The following ACTR3C variants were observed in gnomAD, a reference collection of about 807,000 sequenced individuals.
ACTR3C encodes actin-related protein 3C.
ACTR3C carries 18 observed loss-of-function variants against 26.3 expected under a neutral mutation model. The observed-to-expected ratio is 0.68, with a 90% CI of 0.47 to 1.01. ACTR3C has a LOEUF of 1.01. Among genes scored for constraint, ACTR3C ranks in the 50% least tolerant of loss-of-function variants. The pLI, the probability that ACTR3C is intolerant of heterozygous loss-of-function variation, is 0.00. For missense variants in ACTR3C, 184 were observed against 250.7 expected, an observed-to-expected ratio of 0.73 and a Z score of 1.80; for synonymous variants, 55 against 94.5, an observed-to-expected ratio of 0.58 and a Z score of 2.42.
chr7:150,255,267 T>G (rs1833133289), intron 6 of ACTR3C, among the ~76,000 whole-genome samples: 1 of 119,022 alleles, frequency 8.4e-6, no homozygotes, highest in South Asian at 2.7e-4. Flanking sequence ...TTTTTTTTTT[T>G]GCTTTCGAGT....
the ACTR3C span, among the ~76,000 whole-genome samples, chr7:150,198,855 C>A: frequency 1.4e-5 from 2 of 144,738 alleles, no homozygotes; most frequent in African/African-American, 5.3e-5. Flanking sequence ...AGGTGAGGGG[C>A]GCCTCTGCCT....
At chr7:150,322,876 G>C (rs891425574) in intron 1 of ACTR3C, 2 of 152,314 alleles carry the variant, frequency 1.3e-5, no homozygotes, top group Admixed American at 1.3e-4. Flanking sequence ...CGATAGATGA[G>C]CCTTCCACGC....
At chr7:150,167,018 G>GTATATATATATATATA in the ACTR3C span, among the ~76,000 whole-genome samples, 4 of 147,192 alleles carry the variant, frequency 2.7e-5, no homozygotes, top group Non-Finnish European at 5.9e-5. Context: ...ATTCCACTGT[G>GTATATATATATATATA]TATATATATA....
the ACTR3C span, among the ~76,000 whole-genome samples, chr7:149,963,400 C>A: frequency 2.4e-4 from 37 of 152,300 alleles, no homozygotes; most frequent in African/African-American, 8.4e-4. Context: ...AGGAGAATGA[C>A]TTTCCTGTAT....
At chr7:150,296,366 AAT>A (rs201139334) in intron 1 of ACTR3C, among the ~76,000 whole-genome samples, 5,149 of 149,140 alleles carry the variant, frequency 0.035, 324 homozygotes, top group African/African-American at 0.12. Flanking sequence ...GAAAAAAAAA[AAT>A]ATCTGGAAAA....
intron 1 of ACTR3C, among the ~76,000 whole-genome samples, chr7:150,306,234 T>G (rs1314446967): frequency 1.3e-5 from 2 of 152,044 alleles, no homozygotes; most frequent in African/African-American, 4.8e-5. Flanking sequence ...TACTATCTCA[T>G]GTATGCCAGC....
the ACTR3C span, among the ~76,000 whole-genome samples, chr7:149,994,907 T>A: frequency 7.2e-6 from 1 of 139,860 alleles, no homozygotes; most frequent in South Asian, 2.3e-4. Flanking sequence ...CAGGCTGGAG[T>A]GCAATGGAGT....
At chr7:150,032,406 G>A in the ACTR3C span, among the ~76,000 whole-genome samples, 1 of 152,182 alleles carries the variant, frequency 6.6e-6, no homozygotes, top group Non-Finnish European at 1.5e-5. Flanking sequence ...TCCTGTTCCT[G>A]TCTGTGCAAC....
chr7:149,989,804 G>C, the ACTR3C span, among the ~76,000 whole-genome samples: 6 of 152,112 alleles, frequency 3.9e-5, no homozygotes, highest in African/African-American at 1.4e-4. Context: ...CCAGAAGTGG[G>C]ATTGCTGGAT....
chr7:149,917,921 T>A, the ACTR3C span, among the ~76,000 whole-genome samples: 1 of 151,792 alleles, frequency 6.6e-6, no homozygotes. Flanking sequence ...TTTCACAGTT[T>A]AAACATGGTT....
chr7:150,039,684 G>C, the ACTR3C span, among the ~76,000 whole-genome samples: 1 of 131,840 alleles, frequency 7.6e-6, no homozygotes, highest in Non-Finnish European at 1.7e-5. Flanking sequence ...TCAACGATGG[G>C]GGGTCCTAAG....
At chr7:149,989,268 A>G in the ACTR3C span, among the ~76,000 whole-genome samples, 1 of 152,268 alleles carries the variant, frequency 6.6e-6, no homozygotes, top group African/African-American at 2.4e-5. Context: ...TAACATATAT[A>G]TCACCTCACA....
At chr7:149,997,350 AT>A in the ACTR3C span, among the ~76,000 whole-genome samples, 2 of 151,816 alleles carry the variant, frequency 1.3e-5, no homozygotes, top group African/African-American at 4.8e-5. Flanking sequence ...TCATTCCCTG[AT>A]TTTTTTCCTT....
At chr7:150,200,422 T>C in the ACTR3C span, among the ~76,000 whole-genome samples, 10 of 144,742 alleles carry the variant, frequency 6.9e-5, no homozygotes, top group East Asian at 2.0e-3. Context: ...TCAAAATATA[T>C]TTAAAAATCA....
At chr7:149,906,450 T>G in the ACTR3C span, among the ~76,000 whole-genome samples, 67,135 of 88,310 alleles carry the variant, frequency 0.76, 26,002 homozygotes, top group East Asian at 0.89. Context: ...TTTTTTTTTT[T>G]AGATGGAGCC....
chr7:150,239,548 A>C (rs868196107), downstream of ACTR3C, among the ~76,000 whole-genome samples: 64 of 132,346 alleles, frequency 4.8e-4, 2 homozygotes, highest in South Asian at 1.4e-3. Context: ...CTCTATATAT[A>C]TATATATATA....
At chr7:150,019,778 A>G in the ACTR3C span, among the ~76,000 whole-genome samples, 1 of 151,916 alleles carries the variant, frequency 6.6e-6, no homozygotes, top group Non-Finnish European at 1.5e-5. Context: ...GACACCCTGC[A>G]ATGGGTAGAG....
the ACTR3C span, among the ~76,000 whole-genome samples, chr7:149,911,773 A>C: frequency 1.3e-5 from 2 of 152,142 alleles, no homozygotes; most frequent in Admixed American, 6.5e-5. Context: ...TTTTGAGTAT[A>C]CTATACTGGT....
At chr7:150,041,784 C>CACT in the ACTR3C span, among the ~76,000 whole-genome samples, 2 of 122,164 alleles carry the variant, frequency 1.6e-5, no homozygotes, top group African/African-American at 6.1e-5. Context: ...TCAGTCCCTG[C>CACT]CTCGCGGGGG....
Sources: allele counts gnomAD v4.1 joint callset (sites outside exome capture counted in the v4.1 genomes callset), GRCh38; gene constraint gnomAD v4.1.1; transcripts MANE v1.5; gene names NCBI Gene and HGNC (gene_info 2026-07-23, HGNC 2026-07-21).